The following TLCD3B variants were observed in gnomAD, a reference collection of about 807,000 sequenced individuals.
The protein encoded by TLCD3B is TLC domain containing 3B, also known as ceramide synthase.
In TLCD3B, 9 loss-of-function variants were observed where a neutral mutation model predicts 23.0. The ratio of observed to expected loss-of-function variants is 0.39; its 90% CI spans 0.24 to 0.68. The LOEUF is 0.68. Ranked by LOEUF, TLCD3B falls within the 30% of genes least tolerant of loss-of-function variation. The pLI, the probability that TLCD3B is intolerant of heterozygous loss-of-function variation, is 0.44. For missense variants in TLCD3B, 307 were observed against 371.8 expected, an observed-to-expected ratio of 0.83 and a Z score of 1.43; for synonymous variants, 161 against 161.0, an observed-to-expected ratio of 1.00 and a Z score of 0.00.
chr16:30,052,209 A>C (rs1381718495), intron 1 of TLCD3B, among the ~76,000 whole-genome samples: 1 of 151,786 alleles, frequency 6.6e-6, no homozygotes, highest in Non-Finnish European at 1.5e-5. Flanking sequence ...CTCTACTAAA[A>C]ATACAAAAAT....
intron 3 of TLCD3B, among the ~76,000 whole-genome samples, chr16:30,039,455 C>G (rs1596769311): frequency 6.6e-6 from 1 of 152,020 alleles, no homozygotes; most frequent in East Asian, 1.9e-4. Context: ...CAGGGTCTCA[C>G]TCTGTTGTCC....
intron 3 of TLCD3B, among the ~76,000 whole-genome samples, chr16:30,038,807 C>A (rs368286748): frequency 3.3e-5 from 5 of 151,868 alleles, no homozygotes; most frequent in African/African-American, 7.3e-5. Context: ...TCCAAAGCAA[C>A]CTTGTGGGTA....
intron 3 of TLCD3B, among the ~76,000 whole-genome samples, chr16:30,037,231 C>T (rs916884417): frequency 6.6e-6 from 1 of 151,520 alleles, no homozygotes; most frequent in Non-Finnish European, 1.5e-5. Context: ...CATAGTGGAA[C>T]CCCTGTCTCT....
At chr16:30,035,254 T>A, upstream of TLCD3B, 1 of 1,236,186 alleles carries the variant, frequency 8.1e-7, no homozygotes, top group South Asian at 1.3e-5. Context: ...CACTCCACAC[T>A]CTGCTTCTGC....
chr16:30,029,363 G>T lies in TLCD3B; in HGVS notation c.209+69C>A. On this transcript the variant is annotated intron_variant, in intron 2 of 4. Coordinates refer to ENST00000380495, the MANE Select transcript of TLCD3B (RefSeq NM_031478.6). The surrounding 1 kb of genome is among the most constrained non-coding windows in gnomAD (Gnocchi z 4.6). ...AGACAGAGTTCCCTCCAAGATGTGG[G>T]GTCTTCCGGGATTACCCGTACACGC... 1 of 1,384,520 alleles carries T rather than the reference G, an allele frequency of 7.2e-7. No individual in the cohort carries two copies. The highest frequency in any genetic ancestry group is 1.0e-6 in the Non-Finnish European group (1 of 980,632). 85.8% of individuals were successfully genotyped at this position (1,384,520 alleles called of 1,614,324 possible). A position where few individuals can be genotyped will look rare whatever the true frequency, so the allele number is the denominator to read the frequency against.
At position 30,030,615 on chromosome 16, in the gene TLCD3B, C is replaced by G; in HGVS notation, c.-88G>C. 2 of 1,428,476 alleles carry G rather than the reference C, an allele frequency of 1.4e-6. No individual in the cohort carries two copies. The highest frequency in any genetic ancestry group is 1.8e-6 in the Non-Finnish European group (2 of 1,092,270). The allele number at this position is 1,428,476 out of a possible 1,614,324, so 88.5% of individuals were successfully genotyped here. On this transcript the variant is annotated 5_prime_UTR_variant, in exon 1 of 5. Transcript: ENST00000380495. ...AGGAGTTAGGGGTGGAGAAGGGACG[C>G]CAAGCCCGGGAAGGAGGGAGAAAAC...
chr16:30,027,410 G>C (rs1206122705), intron 2 of TLCD3B, among the ~76,000 whole-genome samples: 1 of 152,248 alleles, frequency 6.6e-6, no homozygotes, highest in Non-Finnish European at 1.5e-5. Flanking sequence ...GAGTCACAGA[G>C]GGGCTAGGTA....
intron 1 of TLCD3B, 83 bp downstream of exon 1, chr16:30,030,320 G>A: frequency 7.3e-7 from 1 of 1,370,568 alleles, no homozygotes; most frequent in Non-Finnish European, 1.0e-6. Context: ...CACCGCTGAG[G>A]GTCCAGAGAA....
intron 2 of TLCD3B, among the ~76,000 whole-genome samples, chr16:30,045,693 T>TTG (rs796755671): frequency 1.5e-4 from 21 of 139,248 alleles, no homozygotes; most frequent in Admixed American, 5.8e-4. Context: ...TGGTGTGTGT[T>TTG]TGTGTGTGTG....
In TLCD3B at chr16:30,029,560, G is replaced by A; in HGVS notation, c.126-45C>T. On this transcript the variant is annotated intron_variant, in intron 1 of 4. Coordinates refer to ENST00000380495, the MANE Select transcript of TLCD3B (RefSeq NM_031478.6). The surrounding 1 kb of genome is among the most constrained non-coding windows in gnomAD (Gnocchi z 4.6). ...GTGCTAGAAAGGCAGAAGGGAAGAG[G>A]CGTGTGCCTTGATTTCTCCTCGTTG... 6.7e-7 allele frequency: 1 copy of A among 1,499,498 alleles called. No homozygotes were observed. Among genetic ancestry groups the A allele is most frequent in the Non-Finnish European group, 9.3e-7 (1 of 1,080,336 alleles). 92.9% of individuals were successfully genotyped at this position (1,499,498 alleles called of 1,614,324 possible). A position where few individuals can be genotyped will look rare whatever the true frequency, so the allele number is the denominator to read the frequency against.
At position 30,025,622 on chromosome 16, in the gene TLCD3B, G is replaced by C. The variant is rs542473095; in HGVS notation, c.540+104C>G. 1.8e-3 allele frequency: 2,671 copies of C among 1,471,472 alleles called. 10 individuals are homozygous for C. The highest frequency in any genetic ancestry group is 1.9e-3 in the Non-Finnish European group (2,036 of 1,052,828). 91.2% of individuals were successfully genotyped at this position (1,471,472 alleles called of 1,614,324 possible). A position where few individuals can be genotyped will look rare whatever the true frequency, so the allele number is the denominator to read the frequency against. ...AGGTGCTCAAAATGCACGGGGTGAG[G>C]GGGGGATGACGAAGGGGCTAGAGCC... On this transcript the variant is annotated intron_variant, in intron 4 of 4. Transcript: ENST00000380495. The surrounding 1 kb of genome is among the most constrained non-coding windows in gnomAD (Gnocchi z 4.1).
Position 30,030,648 on chromosome 16 carries a change from A to T in TLCD3B, c.-121T>A. ...GGGAAGGAGGGAGAAAACGATGAGA[A>T]GGGGCACAAAGGGGCCAGGGCGGGG... On this transcript the variant is annotated 5_prime_UTR_variant, in exon 1 of 5. Coordinates refer to ENST00000380495, the MANE Select transcript of TLCD3B (RefSeq NM_031478.6). 3 of 1,125,642 alleles carry T rather than the reference A, an allele frequency of 2.7e-6. No homozygotes were observed. Among genetic ancestry groups the T allele is most frequent in the Non-Finnish European group, 2.2e-6 (2 of 916,190 alleles). 69.7% of individuals were successfully genotyped at this position (1,125,642 alleles called of 1,614,324 possible). A position where few individuals can be genotyped will look rare whatever the true frequency, so the allele number is the denominator to read the frequency against.
intron 1 of TLCD3B, 75 bp downstream of exon 1, chr16:30,030,328 G>A (rs2150983131): frequency 1.4e-6 from 2 of 1,409,506 alleles, no homozygotes; most frequent in East Asian, 4.6e-5. Flanking sequence ...AGGGTCCAGA[G>A]AAGTGCCAGG....
chr16:30,045,352 G>GGTGT (rs201802930), intron 2 of TLCD3B, among the ~76,000 whole-genome samples: 6 of 143,222 alleles, frequency 4.2e-5, no homozygotes, highest in East Asian at 2.2e-4. Context: ...TTGTGTGTGT[G>GGTGT]GTGTGTGTGT....
Position 30,029,826 on chromosome 16 carries a change from G to A in TLCD3B, c.126-311C>T, listed in dbSNP as rs1244989662. ...TGTCTGTCCTGAGGTGAGACTGAGA[G>A]TGAACTGCTGGCCTGGACCTCTCCC... On this transcript the variant is annotated intron_variant, in intron 1 of 4. Coordinates refer to ENST00000380495, the MANE Select transcript of TLCD3B (RefSeq NM_031478.6). The surrounding 1 kb of genome is among the most constrained non-coding windows in gnomAD (Gnocchi z 4.6). Among the ~76,000 whole-genome samples, 5 of 152,202 alleles carry A rather than the reference G, an allele frequency of 3.3e-5. No homozygotes were observed. Among genetic ancestry groups the A allele is most frequent in the African/African-American group, 1.2e-4 (5 of 41,446 alleles).
chr16:30,031,929 C>T (rs994932845), upstream of TLCD3B, among the ~76,000 whole-genome samples: 3 of 152,146 alleles, frequency 2.0e-5, no homozygotes, highest in Admixed American at 6.5e-5. Flanking sequence ...GGCGAGAGCG[C>T]GGGGCAGCTG....
At chr16:30,051,815 C>A (rs1186904482) in intron 1 of TLCD3B, among the ~76,000 whole-genome samples, 8 of 152,124 alleles carry the variant, frequency 5.3e-5, no homozygotes, top group Admixed American at 5.2e-4. Flanking sequence ...CTCACAGAGG[C>A]AAAACTGAGG....
In TLCD3B at chr16:30,042,961, G is replaced by C. The variant is rs563734243; in HGVS notation, c.-228-1805C>G. Among the ~76,000 whole-genome samples, 15 of 152,110 alleles carry C rather than the reference G, an allele frequency of 9.9e-5. 1 individual carries two copies. The highest frequency in any genetic ancestry group is 7.2e-4 in the Admixed American group (11 of 15,266). ...AAAATACAAAAAAAATTAGCCAGGC[G>C]TGGTGGCACACGCCTGTAATCCCAG... On this transcript the variant is annotated intron_variant, in intron 2 of 6. Coordinates refer to the TLCD3B transcript ENST00000561666.
intron 3 of TLCD3B, among the ~76,000 whole-genome samples, chr16:30,026,126 T>C (rs2071122706): frequency 6.6e-6 from 1 of 151,978 alleles, no homozygotes; most frequent in Non-Finnish European, 1.5e-5. Flanking sequence ...TCCCAGCTAC[T>C]GGGGAGGCTG....
Sources: allele counts gnomAD v4.1 joint callset (sites outside exome capture counted in the v4.1 genomes callset), GRCh38; gene constraint gnomAD v4.1.1; non-coding constraint Gnocchi (gnomAD v3.1); transcripts MANE v1.5; gene names NCBI Gene and HGNC (gene_info 2026-07-23, HGNC 2026-07-21).